PCDHGA4: variants seen among roughly 807,000 people sequenced by gnomAD.
PCDHGA4 encodes protocadherin gamma-A4.
A neutral mutation model predicts 54.6 loss-of-function variants in PCDHGA4; 38 were observed. That is an observed-to-expected ratio of 0.70 (90% CI 0.54 to 0.91). The LOEUF is 0.91. Among genes scored for constraint, PCDHGA4 ranks in the 40% least tolerant of loss-of-function variants. The pLI, the probability that PCDHGA4 is intolerant of heterozygous loss-of-function variation, is 0.00. For synonymous variants in PCDHGA4, 511 were observed against 512.9 expected, an observed-to-expected ratio of 1.00 and a Z score of 0.05; for missense variants, 1,298 against 1,220.9, an observed-to-expected ratio of 1.06 and a Z score of -0.94.
intron 1 of PCDHGA4, chr5:141,418,622 G>A: frequency 2.5e-6 from 4 of 1,614,026 alleles, no homozygotes; most frequent in Non-Finnish European, 3.4e-6. Context: ...TCGGGAAGAC[G>A]TGCCTCCAGG....
chr5:141,445,890 T>C (rs1435563284), intron 1 of PCDHGA4, among the ~76,000 whole-genome samples: 1 of 152,210 alleles, frequency 6.6e-6, no homozygotes, highest in Non-Finnish European at 1.5e-5. Context: ...ACTTAGGAGC[T>C]ATTAAAATAT....
chr5:141,365,813 A>G, intron 1 of PCDHGA4: 1 of 1,613,876 alleles, frequency 6.2e-7, no homozygotes, highest in East Asian at 2.2e-5. Flanking sequence ...GGCTGAAGAC[A>G]CATTTCAGGG....
rs753538822 is a variant in PCDHGA4, at chr5:141,476,676, G to C, written c.2515-18131G>C. 6 of 1,614,222 alleles carry C rather than the reference G, an allele frequency of 3.7e-6. No individual in the cohort carries two copies. Among genetic ancestry groups the C allele is most frequent in the Non-Finnish European group, 4.2e-6 (5 of 1,180,054 alleles). ...TACTTTGCGCTTCGCGTGCAGACGCGGGAGGACAGCACCAAGTACGCGGAG... is the reference window on the plus strand; with the variant it reads ...TACTTTGCGCTTCGCGTGCAGACGCCGGAGGACAGCACCAAGTACGCGGAG... On this transcript the variant is annotated intron_variant, in intron 1 of 3. Transcript: ENST00000571252. The surrounding 1 kb of genome is among the most constrained non-coding windows in gnomAD (Gnocchi z 7.6).
rs778744503 is a variant in PCDHGA4, at chr5:141,511,152, G to A, written c.2868G>A (p.Ser956=). Residue 956 remains serine (S), a synonymous_variant, in exon 4 of 4, where the codon TCG becomes TCA. Transcript: ENST00000571252. The part of the protein sequence containing the change: ...PAGGNGNKKK[S]GKKEKK ...GTGGCAATGGCAACAAGAAGAAGTCGGGCAAGAAGGAGAAGAAGTAACATG... is the reference window on the plus strand; with the variant it reads ...GTGGCAATGGCAACAAGAAGAAGTCAGGCAAGAAGGAGAAGAAGTAACATG... The A allele has an allele frequency of 2.0e-5, 32 of 1,614,022 alleles. No individual in the cohort carries two copies. Among genetic ancestry groups the A allele is most frequent in the South Asian group, 4.4e-5 (4 of 91,090 alleles).
chr5:141,494,677 TGCCCCCTCTTA>T, intron 1 of PCDHGA4, 119 bp from the exon 2 acceptor site: 5 of 1,552,906 alleles, frequency 3.2e-6, no homozygotes, highest in Non-Finnish European at 4.4e-6. Flanking sequence ...AGTCCACCCC[TGCCCCCTCTTA>T]GTCCGTTTTC....
chr5:141,460,414 T>G (rs1289935272), intron 1 of PCDHGA4, among the ~76,000 whole-genome samples: 1 of 152,216 alleles, frequency 6.6e-6, no homozygotes, highest in Non-Finnish European at 1.5e-5. Context: ...GAGTTGATGT[T>G]TATGTATGGT....
intron 1 of PCDHGA4, chr5:141,374,110 G>T (rs1402267775): frequency 7.0e-6 from 11 of 1,576,896 alleles, no homozygotes; most frequent in Non-Finnish European, 9.5e-6. Context: ...GGCATCCGCA[G>T]CGCAGCGAGC....
intron 1 of PCDHGA4, 119 bp downstream of exon 1, chr5:141,357,740 T>G: frequency 2.3e-6 from 3 of 1,285,732 alleles, no homozygotes; most frequent in Non-Finnish European, 3.2e-6. Flanking sequence ...ATTTTATTGC[T>G]TTAAAGAAAA....
At chr5:141,395,072 T>C in intron 1 of PCDHGA4, 1 of 1,614,148 alleles carries the variant, frequency 6.2e-7, no homozygotes, top group Non-Finnish European at 8.5e-7. Context: ...TGCAGACCTA[T>C]TCCCAGGAAG....
At chr5:141,441,537 C>A in intron 1 of PCDHGA4, 1 of 173,250 alleles carries the variant, frequency 5.8e-6, no homozygotes, top group Non-Finnish European at 1.2e-5. Context: ...ACAATCTTCC[C>A]AAAGCCTCCA....
At chr5:141,460,435 A>G (rs1002182353) in intron 1 of PCDHGA4, among the ~76,000 whole-genome samples, 1 of 152,144 alleles carries the variant, frequency 6.6e-6, no homozygotes, top group Admixed American at 6.6e-5. Context: ...GTATGGTGTG[A>G]GGTAACAATG....
chr5:141,404,725 G>T, intron 1 of PCDHGA4: 1 of 1,614,098 alleles, frequency 6.2e-7, no homozygotes. Flanking sequence ...TGACCAAGGT[G>T]GTGGCAGTGG....
chr5:141,486,559 G>A lies in PCDHGA4; in HGVS notation c.2515-8248G>A. ...CTTTCTTTCAGAGGTCACATGAGGTGTTTGTTCCTGAGAACAATCGCCCAG... is the reference window on the plus strand; with the variant it reads ...CTTTCTTTCAGAGGTCACATGAGGTATTTGTTCCTGAGAACAATCGCCCAG... On this transcript the variant is annotated intron_variant, in intron 1 of 3. Transcript: ENST00000571252. This position sits in a 1 kb window ranked among gnomAD's most constrained non-coding sequence, Gnocchi z 5.0. 6.2e-7 allele frequency: 1 copy of A among 1,614,032 alleles called. No individual in the cohort carries two copies. Among genetic ancestry groups the A allele is most frequent in the Non-Finnish European group, 8.5e-7 (1 of 1,180,022 alleles).
chr5:141,422,996 C>G lies in PCDHGA4; in HGVS notation c.2514+65375C>G. 1.2e-6 allele frequency: 2 copies of G among 1,614,224 alleles called. No homozygotes were observed. The highest frequency in any genetic ancestry group is 1.7e-6 in the Non-Finnish European group (2 of 1,180,046). On this transcript the variant is annotated intron_variant, in intron 1 of 3. Coordinates refer to ENST00000571252, the MANE Select transcript of PCDHGA4 (RefSeq NM_018917.4). ...TCTGCGGAACCTGGCTACCTGGTGA[C>G]CAAGGTGGTTGCGGTGGACAAAGAT...
chr5:141,368,145 T>C (rs1461482681), intron 1 of PCDHGA4, among the ~76,000 whole-genome samples: 1 of 152,222 alleles, frequency 6.6e-6, no homozygotes, highest in African/African-American at 2.4e-5. Context: ...AATTTTGTAC[T>C]TTTAAAACCT....
chr5:141,414,801 G>A, intron 1 of PCDHGA4: 2 of 1,614,218 alleles, frequency 1.2e-6, no homozygotes, highest in Non-Finnish European at 1.7e-6. Flanking sequence ...GCGACAGCGG[G>A]GATCCTCCAC....
At chr5:141,371,560 AC>A in intron 1 of PCDHGA4, 1 of 1,613,892 alleles carries the variant, frequency 6.2e-7, no homozygotes, top group Non-Finnish European at 8.5e-7. Flanking sequence ...CTAAAAGGAA[AC>A]TTCCCCTTTA....
intron 1 of PCDHGA4, chr5:141,364,133 C>A: frequency 2.1e-6 from 1 of 484,590 alleles, no homozygotes. Context: ...CGCTGTTGAC[C>A]AAAGTGGGAA....
chr5:141,370,322 C>G, intron 1 of PCDHGA4: 6 of 1,366,842 alleles, frequency 4.4e-6, no homozygotes, highest in Non-Finnish European at 5.0e-6. Flanking sequence ...GTTGGTCCTG[C>G]TCGGAGAACT....
Sources: allele counts gnomAD v4.1 joint callset (sites outside exome capture counted in the v4.1 genomes callset), GRCh38; gene constraint gnomAD v4.1.1; non-coding constraint Gnocchi (gnomAD v3.1); transcripts MANE v1.5; gene names NCBI Gene and HGNC (gene_info 2026-07-23, HGNC 2026-07-21).